The following DOK6 variants were observed in gnomAD, a reference collection of about 807,000 sequenced individuals.
The protein encoded by DOK6 is downstream of tyrosine kinase 6.
In DOK6, 22 loss-of-function variants were observed where a neutral mutation model predicts 44.0. That is an observed-to-expected ratio of 0.50 (90% confidence interval 0.36 to 0.71). The LOEUF (loss-of-function observed/expected upper bound fraction) is 0.71. Ranked by LOEUF, DOK6 falls within the 30% of genes least tolerant of loss-of-function variation. DOK6 has a pLI of 0.00. For synonymous variants in DOK6, 166 were observed against 145.5 expected (o/e 1.14, Z -1.01); for missense variants, 340 against 416.4 (o/e 0.82, Z 1.60).
At chr18:69,521,902 T>TTTTGGGGCCAC (rs979359624) in intron 1 of DOK6, among the ~76,000 whole-genome samples, 1 of 151,996 alleles carries the variant, frequency 6.6e-6, no homozygotes, top group African/African-American at 2.4e-5. Context: ...CATAAATATA[T>TTTTGGGGCCAC]ACAATTATTA....
intron 1 of DOK6, among the ~76,000 whole-genome samples, chr18:69,542,294 T>C (rs183402096): frequency 1.6e-4 from 24 of 151,168 alleles, no homozygotes; most frequent in East Asian, 9.7e-4. Flanking sequence ...ACCCATTTTG[T>C]AAGCAGGAAT....
Position 69,761,250 on chromosome 18 carries a change from T to A in DOK6, c.856+3377T>A, listed in dbSNP as rs1392979863. ...GCCGGCTGCGACCAATTATTACTAC[T>A]CCTGAAATCTTACTGGGAAGCTGCT... On this transcript the variant is annotated intron_variant, in intron 7 of 7. Transcript: ENST00000382713. Among the ~76,000 whole-genome samples, 5 of 148,144 alleles carry A rather than the reference T, an allele frequency of 3.4e-5. No homozygotes were observed. In the East Asian group the frequency reaches 9.9e-4, roughly 29 times the overall value.
Position 69,553,259 on chromosome 18 carries a change from C to T in DOK6, c.67-11228C>T, listed in dbSNP as rs1053089631. On this transcript the variant is annotated intron_variant, in intron 1 of 7. Coordinates refer to ENST00000382713, the MANE Select transcript of DOK6 (RefSeq NM_152721.6). ...AACAAAGTCAAATTGTAATGAAATC[C>T]GTAACAGTTGTGCATAGTGTAAGTC... Among the ~76,000 whole-genome samples the T allele has an allele frequency of 3.3e-5, 5 of 152,084 alleles. No individual in the cohort carries two copies. The South Asian group carries it at 6.2e-4, about 19-fold the overall frequency.
intron 1 of DOK6, among the ~76,000 whole-genome samples, chr18:69,553,667 T>C (rs554319291): frequency 6.6e-6 from 1 of 152,328 alleles, no homozygotes; most frequent in South Asian, 2.1e-4. Context: ...TTAACACCCT[T>C]TGCTAGGTAG....
intron 7 of DOK6, among the ~76,000 whole-genome samples, chr18:69,769,910 C>T (rs902328293): frequency 4.6e-5 from 7 of 151,986 alleles, no homozygotes; most frequent in Admixed American, 2.0e-4. Flanking sequence ...GAACCACTTA[C>T]CAGATTTCAA....
At chr18:69,501,302 TG>T (rs1981043565) in intron 1 of DOK6, among the ~76,000 whole-genome samples, 1 of 152,154 alleles carries the variant, frequency 6.6e-6, no homozygotes, top group Admixed American at 6.6e-5. Flanking sequence ...AACTAGTTTG[TG>T]TATGTTGCTT....
At chr18:69,751,574 G>C (rs1979180345) in intron 6 of DOK6, among the ~76,000 whole-genome samples, 1 of 152,174 alleles carries the variant, frequency 6.6e-6, no homozygotes, top group Non-Finnish European at 1.5e-5. Context: ...TTCTACATCA[G>C]TGTGTGCATC....
chr18:69,824,688 T>C (rs1053615420), intron 7 of DOK6, among the ~76,000 whole-genome samples: 6 of 152,210 alleles, frequency 3.9e-5, no homozygotes, highest in Non-Finnish European at 7.3e-5. Context: ...AAAAATCGTT[T>C]ACAAACCACT....
At chr18:69,507,479 G>C (rs964122338) in intron 1 of DOK6, among the ~76,000 whole-genome samples, 5 of 152,014 alleles carry the variant, frequency 3.3e-5, no homozygotes, top group African/African-American at 1.2e-4. Flanking sequence ...TATTATTTTG[G>C]AGAGAATTTA....
At chr18:69,527,759 C>A (rs1189573859) in intron 1 of DOK6, among the ~76,000 whole-genome samples, 2 of 152,166 alleles carry the variant, frequency 1.3e-5, no homozygotes, top group African/African-American at 4.8e-5. Flanking sequence ...GTTGATTTAA[C>A]TTCATATTTA....
rs1197583325 is a variant in DOK6, at chr18:69,593,387, AAAAG to A, written c.175-5989_175-5986del. On this transcript the variant is annotated intron_variant, in intron 2 of 7. Transcript: ENST00000382713. ...GCCCTGTCTCTTAAAAGAAAAAAAA[AAAAG>A]AAAGAAAAAAGTAGAATTTGATACT... 1.2e-3 allele frequency among the ~76,000 whole-genome samples: 187 copies of A among 152,110 alleles called. 2 individuals are homozygous for A. The highest frequency in any genetic ancestry group is 4.2e-3 in the African/African-American group (175 of 41,534).
chr18:69,499,392 G>A (rs2144547022), intron 1 of DOK6, among the ~76,000 whole-genome samples: 1 of 152,206 alleles, frequency 6.6e-6, no homozygotes, highest in Admixed American at 6.5e-5. Flanking sequence ...ATTCCTTACT[G>A]TGGAAAATAG....
At chr18:69,625,976 A>G (rs954714569) in intron 3 of DOK6, among the ~76,000 whole-genome samples, 1 of 152,194 alleles carries the variant, frequency 6.6e-6, no homozygotes, top group Non-Finnish European at 1.5e-5. Flanking sequence ...TCTGATCCCT[A>G]TATTTCTGGA....
chr18:69,653,027 T>C (rs1038491702), intron 3 of DOK6, among the ~76,000 whole-genome samples: 6 of 152,316 alleles, frequency 3.9e-5, no homozygotes, highest in African/African-American at 1.4e-4. Context: ...CTTACTTTTA[T>C]CACACCAACA....
chr18:69,714,978 T>C (rs1214571963), intron 5 of DOK6, among the ~76,000 whole-genome samples: 1 of 152,224 alleles, frequency 6.6e-6, no homozygotes, highest in Non-Finnish European at 1.5e-5. Flanking sequence ...TGTGTTTTTT[T>C]GTAATAAATA....
At chr18:69,650,303 T>G (rs1287864076) in intron 3 of DOK6, among the ~76,000 whole-genome samples, 3 of 152,152 alleles carry the variant, frequency 2.0e-5, no homozygotes, top group Non-Finnish European at 4.4e-5. Flanking sequence ...AGTGGGAGTT[T>G]CAGTCTCTGA....
chr18:69,439,292 AT>A (rs1277343863), intron 1 of DOK6, among the ~76,000 whole-genome samples: 14 of 151,974 alleles, frequency 9.2e-5, no homozygotes, highest in African/African-American at 3.4e-4. Flanking sequence ...TAGATTTAGC[AT>A]AATCTTTAAG....
At chr18:69,599,246 G>T in intron 2 of DOK6, 138 bp from the exon 3 acceptor site, 1 of 631,306 alleles carries the variant, frequency 1.6e-6, no homozygotes, top group Non-Finnish European at 2.6e-6. Flanking sequence ...TACTGTTTTT[G>T]GCTAAAGTCA....
chr18:69,573,534 T>A lies in DOK6; in HGVS notation c.174+8940T>A, dbSNP rs190040079. Among the ~76,000 whole-genome samples the A allele has an allele frequency of 6.1e-3, 930 of 152,104 alleles. 9 individuals are homozygous for A. Among genetic ancestry groups the A allele is most frequent in the African/African-American group, 0.021 (866 of 41,538 alleles). Reference sequence around the variant, plus strand: ...AGTTTCCCTTTGGGAATTTTATTATTATTTTTTTCTGTGATGGATGGTGAA... The same window carrying A: ...AGTTTCCCTTTGGGAATTTTATTATAATTTTTTTCTGTGATGGATGGTGAA... On this transcript the variant is annotated intron_variant, in intron 2 of 7. Transcript: ENST00000382713.
Sources: allele counts gnomAD v4.1 joint callset (sites outside exome capture counted in the v4.1 genomes callset), GRCh38; gene constraint gnomAD v4.1.1; transcripts MANE v1.5; gene names NCBI Gene and HGNC (gene_info 2026-07-23, HGNC 2026-07-21).